Variants in PEX5 observed in about 807,000 individuals in gnomAD.
PEX5 encodes the protein peroxisomal biogenesis factor 5, also known as PTS1 receptor.
Under a neutral mutation model 82.9 loss-of-function variants are expected in PEX5, and 52 were observed. The ratio of observed to expected loss-of-function variants is 0.63; its 90% CI spans 0.50 to 0.79. The LOEUF is 0.79. Among genes scored for constraint, PEX5 ranks in the 30% least tolerant of loss-of-function variants. PEX5 has a pLI of 0.00. For synonymous variants in PEX5, 300 were observed against 318.8 expected, an observed-to-expected ratio of 0.94 and a Z score of 0.63; for missense variants, 719 against 815.2, an observed-to-expected ratio of 0.88 and a Z score of 1.44.
chr12:7,216,679 G>A (rs939687885), intron 17 of PEX5, among the ~76,000 whole-genome samples: 1 of 152,112 alleles, frequency 6.6e-6, no homozygotes, highest in Non-Finnish European at 1.5e-5. Flanking sequence ...TGGAATAAAA[G>A]TCAAAAACAA....
rs781336959 is a variant in PEX5 at position 7,190,434 on chromosome 12, G to T, written c.57G>T (p.Lys19Asn). 1 of 1,614,202 alleles carries T rather than the reference G, an allele frequency of 6.2e-7. No homozygotes were observed. Among genetic ancestry groups the T allele is most frequent in the South Asian group, 1.1e-5 (1 of 91,086 alleles). ...GCGGGGGTGCCAACCCGCTCATGAAGCTCGCCGGGCACTTCACCCAGGACA... is the reference window on the plus strand; with the variant it reads ...GCGGGGGTGCCAACCCGCTCATGAATCTCGCCGGGCACTTCACCCAGGACA... ...AECGGANPLMKLAGHFTQDKA... is the reference protein window; with the variant it reads ...AECGGANPLMNLAGHFTQDKA... Residue 19 changes from lysine (K) to asparagine (N), a missense_variant, in exon 2 of 16, where the codon AAG (lysine) becomes AAT (asparagine). Coordinates refer to ENST00000675855, the MANE Select transcript of PEX5 (RefSeq NM_001351132.2).
downstream of PEX5, among the ~76,000 whole-genome samples, chr12:7,215,372 C>T (rs1352962779): frequency 6.6e-6 from 1 of 152,068 alleles, no homozygotes; most frequent in East Asian, 1.9e-4. Flanking sequence ...TACCATTTGA[C>T]CAAGTAGTCC....
At chr12:7,204,470 A>G (rs926199114) in intron 10 of PEX5, among the ~76,000 whole-genome samples, 1 of 152,230 alleles carries the variant, frequency 6.6e-6, no homozygotes, top group Non-Finnish European at 1.5e-5. Context: ...TATTAGGAAA[A>G]ATATGATTTT....
chr12:7,206,579 C>G (rs1944825243), intron 10 of PEX5, among the ~76,000 whole-genome samples: 1 of 151,782 alleles, frequency 6.6e-6, no homozygotes, highest in South Asian at 2.1e-4. Flanking sequence ...CTCAAATCTA[C>G]TATAATATGT....
chr12:7,216,059 C>T (rs1339397201), downstream of PEX5, among the ~76,000 whole-genome samples: 4 of 152,268 alleles, frequency 2.6e-5, no homozygotes, highest in South Asian at 8.3e-4. Context: ...CCTCTGCCTC[C>T]CCGGTTCAAG....
In PEX5 at chr12:7,209,156, A is replaced by G. The variant is rs1945203495; in HGVS notation, c.1546A>G (p.Ser516Gly). ...KAVDCFTAAL[S>G]VRPNDYLLWN... ...CGTGGACTGCTTCACAGCTGCCCTC[A>G]GCGTTCGTCCCAATGTGAGCCCAGG... Residue 516 changes from serine to glycine, a missense_variant, in exon 14 of 16, where the codon AGC becomes GGC. Ser to Gly is a moderately conservative substitution (Grantham distance 56). Transcript: ENST00000675855. The G allele has an allele frequency of 1.2e-6, 2 of 1,613,804 alleles. No individual in the cohort carries two copies. The highest frequency in any genetic ancestry group is 1.3e-5 in the African/African-American group (1 of 74,856).
intron 5 of PEX5, among the ~76,000 whole-genome samples, chr12:7,198,787 T>G (rs1943200232): frequency 6.6e-6 from 1 of 152,216 alleles, no homozygotes; most frequent in South Asian, 2.1e-4. Context: ...TTCCCAACTC[T>G]CAGTAAATTT....
chr12:7,215,028 CTT>C (rs1478252875), downstream of PEX5, among the ~76,000 whole-genome samples: 1 of 152,094 alleles, frequency 6.6e-6, no homozygotes, highest in Non-Finnish European at 1.5e-5. Flanking sequence ...ATTTGGGTGA[CTT>C]TGTAGTCCGC....
intron 5 of PEX5, among the ~76,000 whole-genome samples, chr12:7,194,138 T>TAC: frequency 6.6e-6 from 1 of 152,164 alleles, no homozygotes; most frequent in African/African-American, 2.4e-5. Flanking sequence ...TACAATTGTA[T>TAC]GGGTTAGCTA....
At chr12:7,201,446 A>G (rs1283806279) in intron 6 of PEX5, among the ~76,000 whole-genome samples, 1 of 152,162 alleles carries the variant, frequency 6.6e-6, no homozygotes, top group Non-Finnish European at 1.5e-5. Flanking sequence ...ACTATCCTAT[A>G]TGACGTTCAT....
chr12:7,212,464 GAAAAAAAAA>G (rs5796271), downstream of PEX5, among the ~76,000 whole-genome samples: 12 of 96,278 alleles, frequency 1.2e-4, no homozygotes, highest in South Asian at 3.3e-4. Flanking sequence ...AAAGCTGCCA[GAAAAAAAAA>G]AAAAAAAAAA....
intron 17 of PEX5, among the ~76,000 whole-genome samples, chr12:7,217,259 T>C (rs1412300868): frequency 6.6e-6 from 1 of 152,252 alleles, no homozygotes; most frequent in Non-Finnish European, 1.5e-5. Flanking sequence ...TTACCTTTTC[T>C]TGGGAAGTAT....
intron 6 of PEX5, among the ~76,000 whole-genome samples, chr12:7,199,996 G>T (rs1368706725): frequency 7.9e-6 from 1 of 127,166 alleles, no homozygotes; most frequent in South Asian, 2.7e-4. Context: ...CCTCCCTCCC[G>T]GACGGGGCGG....
At chr12:7,196,206 G>A (rs1049064378) in intron 5 of PEX5, among the ~76,000 whole-genome samples, 30 of 133,796 alleles carry the variant, frequency 2.2e-4, no homozygotes, top group African/African-American at 7.5e-4. Flanking sequence ...TATATGTTAT[G>A]TAATAATTAT....
At chr12:7,190,172 G>A in intron 1 of PEX5, 190 bp from the exon 2 acceptor site, 1 of 1,501,444 alleles carries the variant, frequency 6.7e-7, no homozygotes, top group Non-Finnish European at 8.8e-7. Flanking sequence ...CCTTTGAGGG[G>A]GGCGGCAGGA....
In PEX5 at chr12:7,201,612, C is replaced by T. The variant is rs1474699840; in HGVS notation, c.552-139C>T. On this transcript the variant is annotated intron_variant, in intron 6 of 15. Transcript: ENST00000675855. ...CCTGCCCAAATGTCCTTCTATAATG[C>T]AAATTGGAGTTTGTAGGTTCTCAAC... 3 of 720,184 alleles carry T rather than the reference C, an allele frequency of 4.2e-6. No homozygotes were observed. In the African/African-American group the frequency reaches 5.2e-5, roughly 13 times the overall value. 44.6% of individuals were successfully genotyped at this position (720,184 alleles called of 1,614,324 possible).
At chr12:7,211,784 T>C (rs1945591910), downstream of PEX5, among the ~76,000 whole-genome samples, 1 of 152,184 alleles carries the variant, frequency 6.6e-6, no homozygotes, top group South Asian at 2.1e-4. Context: ...TGATAGTTTT[T>C]CAGTGCTTAG....
chr12:7,207,072 T>A (rs749712564), intron 10 of PEX5, among the ~76,000 whole-genome samples: 1 of 152,350 alleles, frequency 6.6e-6, no homozygotes. Context: ...ATCCAGCTTT[T>A]GCTTACTGTC....
At chr12:7,190,750 C>A in intron 2 of PEX5, 138 bp from the exon 3 acceptor site, 2 of 1,301,352 alleles carry the variant, frequency 1.5e-6, no homozygotes, top group Non-Finnish European at 2.2e-6. Context: ...TTTATAAACA[C>A]TAGAAAACCC....
Sources: allele counts gnomAD v4.1 joint callset (sites outside exome capture counted in the v4.1 genomes callset), GRCh38; gene constraint gnomAD v4.1.1; transcripts MANE v1.5; gene names NCBI Gene and HGNC (gene_info 2026-07-23, HGNC 2026-07-21).